Variants in VSIG10 observed in about 807,000 individuals in gnomAD.
VSIG10 encodes V-set and immunoglobulin domain containing 10.
A neutral mutation model predicts 58.7 loss-of-function variants in VSIG10; 48 were observed. The observed-to-expected ratio is 0.82, with a 90% CI of 0.65 to 1.04. VSIG10 has a LOEUF of 1.04. Ranked by LOEUF, VSIG10 falls within the 50% of genes least tolerant of loss-of-function variation. The probability of loss-of-function intolerance (pLI) is 0.00; values close to 1 mark genes in which losing one functional copy is unlikely to be tolerated. For synonymous variants in VSIG10, 260 were observed against 267.1 expected (o/e 0.97, Z 0.26); for missense variants, 628 against 670.0 (o/e 0.94, Z 0.69).
chr12:118,070,943 G>T, intron 7 of VSIG10, 109 bp downstream of exon 7: 1 of 1,293,322 alleles, frequency 7.7e-7, no homozygotes, highest in Non-Finnish European at 1.1e-6. Context: ...GCACATCGTA[G>T]GTCCTCAATG....
intron 2 of VSIG10, among the ~76,000 whole-genome samples, chr12:118,095,202 C>T (rs933939196): frequency 1.3e-5 from 2 of 151,980 alleles, no homozygotes; most frequent in Non-Finnish European, 2.9e-5. Context: ...CGCACCCGGC[C>T]GGCATTTTTT....
chr12:118,090,503 C>T (rs1352517132), intron 2 of VSIG10, among the ~76,000 whole-genome samples: 1 of 152,080 alleles, frequency 6.6e-6, no homozygotes, highest in African/African-American at 2.4e-5. Flanking sequence ...CTACTTGGCC[C>T]CAGTCTGGCC....
chr12:118,082,787 G>A (rs1318450423), intron 2 of VSIG10, among the ~76,000 whole-genome samples: 1 of 151,120 alleles, frequency 6.6e-6, no homozygotes, highest in Non-Finnish European at 1.5e-5. Context: ...GACCAACCTG[G>A]GAAACATAGT....
rs377194593 is a variant in VSIG10, at chr12:118,079,416, G to T, written c.855C>A (p.Gly285=). 3.1e-6 allele frequency: 5 copies of T among 1,613,980 alleles called. No individual in the cohort carries two copies. The highest frequency in any genetic ancestry group is 4.2e-6 in the Non-Finnish European group (5 of 1,179,892). ...EMLSESQLSD[G]KKFKCVTSHI... The stretch of plus-strand genomic sequence containing the variant: ...GGCTTGTAACACACTTGAACTTCTT[G>T]CCATCCGACAGCTGGGACTCGCTCA... Residue 285 remains glycine (G), a synonymous_variant, in exon 4 of 9, where the codon GGC becomes GGA. Coordinates refer to ENST00000359236, the MANE Select transcript of VSIG10 (RefSeq NM_019086.6).
chr12:118,077,422 C>T (rs1464671223), intron 4 of VSIG10, among the ~76,000 whole-genome samples: 1 of 152,110 alleles, frequency 6.6e-6, no homozygotes, highest in African/African-American at 2.4e-5. Flanking sequence ...ATATTATCAT[C>T]ATATCTGGAC....
chr12:118,094,807 GC>G (rs901016108), intron 2 of VSIG10, among the ~76,000 whole-genome samples: 9 of 151,364 alleles, frequency 5.9e-5, no homozygotes, highest in Non-Finnish European at 1.0e-4. Flanking sequence ...TGCGATCTTG[GC>G]TCACTGCAAC....
chr12:118,069,608 G>A (rs918018330), intron 7 of VSIG10, among the ~76,000 whole-genome samples: 2 of 151,818 alleles, frequency 1.3e-5, no homozygotes, highest in Admixed American at 1.3e-4. Context: ...TGTATTTTTA[G>A]TAGAGATGGG....
chr12:118,095,734 C>G lies in VSIG10; in HGVS notation c.160G>C (p.Val54Leu). 6.2e-7 allele frequency: 1 copy of G among 1,613,806 alleles called. No homozygotes were observed. Among genetic ancestry groups the G allele is most frequent in the African/African-American group, 1.3e-5 (1 of 75,042 alleles). ...CGNISGLRGQ[V>L]TWYRNNSEPV... Reference sequence around the variant, plus strand: ...TCCGAGTTGTTCCGGTACCAGGTCACCTGGCCCCTCAGTCCCGAGATGTTG... The same window carrying G: ...TCCGAGTTGTTCCGGTACCAGGTCAGCTGGCCCCTCAGTCCCGAGATGTTG... Residue 54 changes from valine to leucine, a missense_variant, in exon 2 of 9, where the codon GTG becomes CTG. Val to Leu is a conservative substitution (Grantham distance 32). Transcript: ENST00000359236.
intron 2 of VSIG10, 103 bp downstream of exon 2, chr12:118,095,430 T>C: frequency 1.4e-6 from 2 of 1,454,654 alleles, no homozygotes; most frequent in Non-Finnish European, 1.9e-6. Flanking sequence ...CCAGAATGAT[T>C]TCCAGGCCAT....
chr12:118,070,936 C>T, intron 7 of VSIG10, 116 bp downstream of exon 7: 5 of 1,234,732 alleles, frequency 4.0e-6, no homozygotes, highest in Non-Finnish European at 5.8e-6. Flanking sequence ...GTGTCTAGCA[C>T]ATCGTAGGTC....
intron 3 of VSIG10, among the ~76,000 whole-genome samples, chr12:118,080,716 A>T (rs892658393): frequency 1.3e-5 from 2 of 152,190 alleles, no homozygotes; most frequent in African/African-American, 4.8e-5. Flanking sequence ...TTACTGATAC[A>T]TGCCTCAATA....
chr12:118,096,217 C>T (rs866610801), intron 1 of VSIG10, among the ~76,000 whole-genome samples: 11 of 151,492 alleles, frequency 7.3e-5, no homozygotes, highest in Middle Eastern at 3.4e-3. Flanking sequence ...CCGAGGTGGG[C>T]GGATCACAAG....
intron 4 of VSIG10, among the ~76,000 whole-genome samples, chr12:118,078,937 T>TAAAAAAAAAAAAAAAA (rs35469920): frequency 1.0e-4 from 4 of 39,920 alleles, no homozygotes; most frequent in East Asian, 1.2e-3. Context: ...AGACTCTGCC[T>TAAAAAAAAAAAAAAAA]AAAAAAAAAA....
At chr12:118,097,266 C>T (rs944453001) in intron 1 of VSIG10, among the ~76,000 whole-genome samples, 10 of 152,166 alleles carry the variant, frequency 6.6e-5, no homozygotes, top group African/African-American at 2.2e-4. Flanking sequence ...GGGAATGTGA[C>T]ACAAGCAGAG....
intron 2 of VSIG10, among the ~76,000 whole-genome samples, chr12:118,086,082 C>T (rs750610739): frequency 5.9e-5 from 9 of 151,820 alleles, no homozygotes; most frequent in South Asian, 2.1e-4. Flanking sequence ...CGCTTGAACC[C>T]GGGAGGCAGA....
chr12:118,103,301 T>C, intron 1 of VSIG10: 1 of 346,456 alleles, frequency 2.9e-6, no homozygotes. Context: ...CCGGCACACG[T>C]GCCTCTTTAC....
intron 4 of VSIG10, 43 bp from the exon 5 acceptor site, chr12:118,074,035 T>C: frequency 6.6e-7 from 1 of 1,511,086 alleles, no homozygotes; most frequent in Non-Finnish European, 8.9e-7. Flanking sequence ...TTAAAGAGAT[T>C]CAAGTCATGG....
chr12:118,075,972 G>GATAA (rs1214882702), intron 4 of VSIG10, among the ~76,000 whole-genome samples: 1 of 152,110 alleles, frequency 6.6e-6, no homozygotes, highest in Non-Finnish European at 1.5e-5. Context: ...TGCAAACCAG[G>GATAA]ATAAACTGGC....
intron 1 of VSIG10, among the ~76,000 whole-genome samples, chr12:118,099,940 G>A (rs1240333529): frequency 1.3e-5 from 2 of 152,216 alleles, no homozygotes; most frequent in African/African-American, 2.4e-5. Context: ...TTTCAGCCAA[G>A]TCAGGATGAA....
Sources: allele counts gnomAD v4.1 joint callset (sites outside exome capture counted in the v4.1 genomes callset), GRCh38; gene constraint gnomAD v4.1.1; transcripts MANE v1.5; gene names NCBI Gene and HGNC (gene_info 2026-07-23, HGNC 2026-07-21).